The following KIF13A variants were observed in gnomAD, a reference collection of about 807,000 sequenced individuals.
KIF13A encodes kinesin family member 13A, also known as kinesin-like protein KIF13A.
A neutral mutation model predicts 212.2 loss-of-function variants in KIF13A; 79 were observed. The observed-to-expected ratio is 0.37, with a 90% CI of 0.31 to 0.45. The LOEUF (loss-of-function observed/expected upper bound fraction) is 0.45. Ranked by LOEUF, KIF13A falls within the 20% of genes least tolerant of loss-of-function variation. The pLI is 1.00. For synonymous variants in KIF13A, 789 were observed against 808.6 expected, an observed-to-expected ratio of 0.98 and a Z score of 0.41; for missense variants, 1,901 against 2,209.0, an observed-to-expected ratio of 0.86 and a Z score of 2.79.
Position 17,772,140 on chromosome 6 carries a change from A to G in KIF13A, c.4325-81T>C, listed in dbSNP as rs1168353973. The G allele has an allele frequency of 5.3e-6, 7 of 1,318,382 alleles. No individual in the cohort carries two copies. In the African/African-American group the frequency reaches 5.9e-5, roughly 11 times the overall value. The allele number at this position is 1,318,382 out of a possible 1,614,324, so 81.7% of individuals were successfully genotyped here. A position where few individuals can be genotyped will look rare whatever the true frequency, so the allele number is the denominator to read the frequency against. ...TAGGAACTGAGACAATGACCCAGCC[A>G]TGGGAATATCTGGGAGAACAATGAA... On this transcript the variant is annotated intron_variant, in intron 36 of 38. Coordinates refer to ENST00000259711, the MANE Select transcript of KIF13A (RefSeq NM_022113.6). This position sits in a 1 kb window ranked among gnomAD's most constrained non-coding sequence, Gnocchi z 4.8.
chr6:17,893,285 T>C (rs138567382), intron 3 of KIF13A, among the ~76,000 whole-genome samples: 39 of 152,346 alleles, frequency 2.6e-4, no homozygotes, highest in African/African-American at 9.1e-4. Flanking sequence ...CCTAGTTCTA[T>C]GTCTTAGCAC....
In KIF13A at chr6:17,971,614, G is replaced by A. The variant is rs1399984032; in HGVS notation, c.146+15440C>T. Among the ~76,000 whole-genome samples, 1 of 151,890 alleles carries A rather than the reference G, an allele frequency of 6.6e-6. No homozygotes were observed. The highest frequency in any genetic ancestry group is 1.5e-5 in the Non-Finnish European group (1 of 67,972). Reference sequence around the variant, plus strand: ...TAATTTTTCTATTTTTTGTAGAGATGGGGTTTTGTCATGTTGCCCAGGCTG... The same window carrying A: ...TAATTTTTCTATTTTTTGTAGAGATAGGGTTTTGTCATGTTGCCCAGGCTG... On this transcript the variant is annotated intron_variant, in intron 2 of 38. Transcript: ENST00000259711. This position sits in a 1 kb window ranked among gnomAD's most constrained non-coding sequence, Gnocchi z 4.2.
rs758382026 is a variant in KIF13A at position 17,800,077 on chromosome 6, T to C, written c.2491A>G (p.Thr831Ala). The C allele has an allele frequency of 1.9e-6, 3 of 1,613,822 alleles. No individual in the cohort carries two copies. In the African/African-American group the frequency reaches 4.0e-5, roughly 22 times the overall value. Residue 831 changes from threonine to alanine, a missense_variant, in exon 21 of 39, where the codon ACA becomes GCA. Thr to Ala is a moderately conservative substitution (Grantham distance 58). This residue lies in a region of KIF13A where 534 missense variants were observed against 536.9 expected (regional missense o/e 0.99). Coordinates refer to ENST00000259711, the MANE Select transcript of KIF13A (RefSeq NM_022113.6). The stretch of plus-strand genomic sequence containing the variant: ...ACCACACGCTCTGGAACAGCTCCTG[T>C]AACACGCATCACTTCCACGTGGAGA... ...GRLHVEVMRV[T>A]GAVPERVVED...
At chr6:17,822,241 C>T (rs1459551843) in intron 16 of KIF13A, among the ~76,000 whole-genome samples, 1 of 152,046 alleles carries the variant, frequency 6.6e-6, no homozygotes, top group Non-Finnish European at 1.5e-5. Context: ...CTGGGATTCA[C>T]CATGTTGGCT....
rs1160685483 is a variant in KIF13A, at chr6:17,912,853, A to G, written c.147-14673T>C. ...AAACTCCAAACAGACACTGATGGTA[A>G]AAGGAGAATTTGTTGAGAACATATT... On this transcript the variant is annotated intron_variant, in intron 2 of 38. Transcript: ENST00000259711. The surrounding 1 kb of genome is among the most constrained non-coding windows in gnomAD (Gnocchi z 4.2). Among the ~76,000 whole-genome samples, 1 of 152,160 alleles carries G rather than the reference A, an allele frequency of 6.6e-6. No homozygotes were observed. Among genetic ancestry groups the G allele is most frequent in the African/African-American group, 2.4e-5 (1 of 41,444 alleles).
chr6:17,879,030 A>C (rs1380964222), intron 3 of KIF13A, among the ~76,000 whole-genome samples: 3 of 152,228 alleles, frequency 2.0e-5, no homozygotes, highest in Admixed American at 6.5e-5. Context: ...ACTAGGAAGA[A>C]AGCTGAAGTC....
chr6:17,831,029 A>C (rs1765400560), intron 13 of KIF13A, 72 bp downstream of exon 13: 1 of 1,413,756 alleles, frequency 7.1e-7, no homozygotes, highest in African/African-American at 1.4e-5. Context: ...TCACAGAGAC[A>C]GGCACCCAGA....
At chr6:17,790,185 T>C (rs989959232) in intron 25 of KIF13A, among the ~76,000 whole-genome samples, 1 of 152,202 alleles carries the variant, frequency 6.6e-6, no homozygotes, top group Non-Finnish European at 1.5e-5. Flanking sequence ...GAGGATCTCT[T>C]GAAGCTAGAA....
At position 17,799,226 on chromosome 6, in the gene KIF13A, G is replaced by C. The variant is rs200832693; in HGVS notation, c.2790+40C>G. ...TGATTGTTGAACTGCACCAATTTCT[G>C]CTGCTTCCTACACAGCTCATTTGGT... On this transcript the variant is annotated intron_variant, in intron 22 of 38. Coordinates refer to ENST00000259711, the MANE Select transcript of KIF13A (RefSeq NM_022113.6). The surrounding 1 kb of genome is among the most constrained non-coding windows in gnomAD (Gnocchi z 4.4). The C allele has an allele frequency of 5.4e-5, 74 of 1,373,864 alleles. 1 individual carries two copies. The Middle Eastern group carries it at 1.5e-3, about 27-fold the overall frequency. The allele number at this position is 1,373,864 out of a possible 1,614,324, so 85.1% of individuals were successfully genotyped here.
intron 3 of KIF13A, among the ~76,000 whole-genome samples, chr6:17,884,721 C>CT (rs1771387858): frequency 6.6e-6 from 1 of 152,132 alleles, no homozygotes; most frequent in Non-Finnish European, 1.5e-5. Context: ...GGAGTGTGTC[C>CT]TCTCCTCTAC....
At chr6:17,869,610 T>G (rs1393860424) in intron 4 of KIF13A, among the ~76,000 whole-genome samples, 1 of 146,914 alleles carries the variant, frequency 6.8e-6, no homozygotes, top group Non-Finnish European at 1.5e-5. Context: ...CTTCAACTGC[T>G]CCAACCAACC....
At position 17,886,918 on chromosome 6, in the gene KIF13A, T is replaced by G. The variant is rs1771598284; in HGVS notation, c.159+11250A>C. The stretch of plus-strand genomic sequence containing the variant: ...AAAAAAAAAAAGTCTTGGGAAATTT[T>G]TAGAAGGATGATTTATAATGACAAA... On this transcript the variant is annotated intron_variant, in intron 3 of 38. Coordinates refer to ENST00000259711, the MANE Select transcript of KIF13A (RefSeq NM_022113.6). This position sits in a 1 kb window ranked among gnomAD's most constrained non-coding sequence, Gnocchi z 5.6. Among the ~76,000 whole-genome samples the G allele has an allele frequency of 6.6e-6, 1 of 152,246 alleles. No homozygotes were observed. The highest frequency in any genetic ancestry group is 1.9e-4 in the East Asian group (1 of 5,176).
Position 17,934,351 on chromosome 6 carries a change from G to A in KIF13A, c.147-36171C>T, listed in dbSNP as rs1321688687. Reference sequence around the variant, plus strand: ...AGTTGCTTAAGTGCAGACGAGAGCGGCTGAACACCATCCCATTCCTAATTA... The same window carrying A: ...AGTTGCTTAAGTGCAGACGAGAGCGACTGAACACCATCCCATTCCTAATTA... On this transcript the variant is annotated intron_variant, in intron 2 of 38. Transcript: ENST00000259711. The surrounding 1 kb of genome is among the most constrained non-coding windows in gnomAD (Gnocchi z 5.4). Among the ~76,000 whole-genome samples, 1 of 152,148 alleles carries A rather than the reference G, an allele frequency of 6.6e-6. No individual in the cohort carries two copies. The highest frequency in any genetic ancestry group is 1.5e-5 in the Non-Finnish European group (1 of 68,034).
At chr6:17,920,815 A>T (rs1481146341) in intron 2 of KIF13A, among the ~76,000 whole-genome samples, 2 of 151,368 alleles carry the variant, frequency 1.3e-5, no homozygotes, top group Non-Finnish European at 2.9e-5. Context: ...AAGAGGCTTC[A>T]GTGAGCCGAG....
intron 3 of KIF13A, among the ~76,000 whole-genome samples, chr6:17,880,461 T>C (rs1316838492): frequency 6.6e-6 from 1 of 151,774 alleles, no homozygotes; most frequent in East Asian, 1.9e-4. Context: ...ACCCCATCTC[T>C]ACTAAAGATA....
intron 17 of KIF13A, chr6:17,812,214 A>G (rs1026235531): frequency 6.6e-6 from 1 of 152,232 alleles, no homozygotes; most frequent in Non-Finnish European, 1.5e-5. Flanking sequence ...GTTCAGGGGT[A>G]CATGCACAGG....
intron 2 of KIF13A, among the ~76,000 whole-genome samples, chr6:17,942,801 A>G (rs997223558): frequency 5.9e-5 from 9 of 152,030 alleles, no homozygotes; most frequent in African/African-American, 2.2e-4. Flanking sequence ...AACATGGTGA[A>G]ACCCCATCTC....
chr6:17,980,659 A>G (rs1351867114), intron 2 of KIF13A, among the ~76,000 whole-genome samples: 2 of 152,236 alleles, frequency 1.3e-5, no homozygotes, highest in Non-Finnish European at 2.9e-5. Flanking sequence ...ACAGAAAAAA[A>G]AGCAAAATAA....
At chr6:17,813,275 T>C (rs979966698) in intron 17 of KIF13A, among the ~76,000 whole-genome samples, 1 of 152,046 alleles carries the variant, frequency 6.6e-6, no homozygotes, top group African/African-American at 2.4e-5. Context: ...AGGTCAGGGG[T>C]TCGAGACCAG....
Sources: allele counts gnomAD v4.1 joint callset (sites outside exome capture counted in the v4.1 genomes callset), GRCh38; gene constraint gnomAD v4.1.1; regional missense constraint gnomAD v4.1.1; non-coding constraint Gnocchi (gnomAD v3.1); transcripts MANE v1.5; gene names NCBI Gene and HGNC (gene_info 2026-07-23, HGNC 2026-07-21).